The following GPHN variants were observed in gnomAD, a reference collection of about 807,000 sequenced individuals.
The protein encoded by GPHN is gephyrin.
A neutral mutation model predicts 95.5 loss-of-function variants in GPHN; 17 were observed. The observed-to-expected ratio is 0.18, with a 90% CI of 0.12 to 0.27. The LOEUF (loss-of-function observed/expected upper bound fraction) is 0.27, where lower values mean the gene tolerates loss of function less well. Ranked by LOEUF, GPHN falls within the 10% of genes least tolerant of loss-of-function variation. GPHN has a pLI of 1.00. For synonymous variants in GPHN, 320 were observed against 322.5 expected (o/e 0.99, Z 0.08); for missense variants, 660 against 978.1 (o/e 0.67, Z 4.34).
intron 17 of GPHN, among the ~76,000 whole-genome samples, chr14:67,124,935 C>A (rs2153693778): frequency 6.6e-6 from 1 of 151,216 alleles, no homozygotes; most frequent in Middle Eastern, 3.4e-3. Context: ...TTCTGGGATC[C>A]ACACTGTTAA....
At chr14:67,414,416 C>G in the GPHN span, among the ~76,000 whole-genome samples, 6 of 152,220 alleles carry the variant, frequency 3.9e-5, no homozygotes, top group Non-Finnish European at 7.3e-5. Context: ...GCCCAACTCA[C>G]CCATAGGGAA....
At chr14:66,958,994 T>A (rs998633805) in intron 8 of GPHN, among the ~76,000 whole-genome samples, 4 of 152,190 alleles carry the variant, frequency 2.6e-5, no homozygotes, top group African/African-American at 9.6e-5. Flanking sequence ...ATTATTTAGT[T>A]ATTGTGTTAG....
At chr14:66,655,699 A>G (rs2065267406) in intron 1 of GPHN, among the ~76,000 whole-genome samples, 1 of 151,698 alleles carries the variant, frequency 6.6e-6, no homozygotes, top group South Asian at 2.1e-4. Flanking sequence ...GAAAGCATTC[A>G]GTCTTTTTAT....
intron 9 of GPHN, among the ~76,000 whole-genome samples, chr14:66,984,007 G>C (rs184554817): frequency 2.0e-5 from 3 of 152,228 alleles, no homozygotes; most frequent in Admixed American, 1.3e-4. Flanking sequence ...CCTTGAAAAA[G>C]ATACCTAATG....
At chr14:67,061,023 T>C (rs563882302) in intron 11 of GPHN, among the ~76,000 whole-genome samples, 3 of 152,312 alleles carry the variant, frequency 2.0e-5, no homozygotes, top group Admixed American at 2.0e-4. Flanking sequence ...GTTACTGTTT[T>C]AGTTTAGGTG....
At chr14:66,966,809 T>C (rs549537091) in intron 9 of GPHN, among the ~76,000 whole-genome samples, 2 of 152,126 alleles carry the variant, frequency 1.3e-5, no homozygotes, top group East Asian at 3.9e-4. Flanking sequence ...TAAATATTTT[T>C]TGAAAATATT....
chr14:67,388,020 T>C, the GPHN span, among the ~76,000 whole-genome samples: 1 of 152,228 alleles, frequency 6.6e-6, no homozygotes, highest in Non-Finnish European at 1.5e-5. Flanking sequence ...ATTATTAACA[T>C]AAGGATTACT....
At position 66,540,306 on chromosome 14, in the gene GPHN, A is replaced by G. The variant is rs1182943526; in HGVS notation, c.64+31715A>G. On this transcript the variant is annotated intron_variant, in intron 1 of 22. Transcript: ENST00000478722. ...CTGCTTGGATGTTTGTTTATATACC[A>G]TTGGCCAAAGCAAACCAGTGGCCAA... Among the ~76,000 whole-genome samples the G allele has an allele frequency of 2.6e-5, 4 of 152,186 alleles. No individual in the cohort carries two copies. In the South Asian group the frequency reaches 8.3e-4, roughly 32 times the overall value.
chr14:66,754,860 T>G lies in GPHN; in HGVS notation c.144-21604T>G, dbSNP rs180835506. On this transcript the variant is annotated intron_variant, in intron 2 of 22. Coordinates refer to ENST00000478722, the MANE Select transcript of GPHN (RefSeq NM_020806.5). ...CTAAGAATCAATTATATAGCCTAAG[T>G]TGGTGTTTTATATTTGTTTTTCCTG... is the stretch of plus-strand genomic sequence containing the variant. 3.1e-3 allele frequency among the ~76,000 whole-genome samples: 470 copies of G among 152,058 alleles called. 11 individuals are homozygous for G. The highest frequency in any genetic ancestry group is 0.011 in the African/African-American group (445 of 41,538).
intron 2 of GPHN, among the ~76,000 whole-genome samples, chr14:66,752,949 AAG>A (rs1433473973): frequency 6.7e-6 from 1 of 149,600 alleles, no homozygotes; most frequent in Admixed American, 6.7e-5. Context: ...AAAAAAAAAA[AAG>A]AGAAGAGAGA....
At chr14:66,952,538 A>T (rs927450057) in intron 8 of GPHN, among the ~76,000 whole-genome samples, 1 of 152,212 alleles carries the variant, frequency 6.6e-6, no homozygotes, top group African/African-American at 2.4e-5. Flanking sequence ...TCTCTTGAAT[A>T]TACACCTAGG....
chr14:66,626,255 G>A (rs76951836), intron 1 of GPHN, among the ~76,000 whole-genome samples: 114 of 152,244 alleles, frequency 7.5e-4, no homozygotes, highest in African/African-American at 2.5e-3. Context: ...AGTAAATGGA[G>A]CCTAAAATGC....
chr14:67,350,562 A>G, the GPHN span: 1 of 1,486,776 alleles, frequency 6.7e-7, no homozygotes, highest in East Asian at 2.3e-5. Flanking sequence ...AAATTATGAG[A>G]CTGAAATCAC....
intron 11 of GPHN, among the ~76,000 whole-genome samples, chr14:67,086,359 T>A (rs1458639090): frequency 6.6e-6 from 1 of 152,198 alleles, no homozygotes; most frequent in Non-Finnish European, 1.5e-5. Flanking sequence ...GTAGTATGGC[T>A]GAAAAGTTCT....
At chr14:67,698,304 C>G in the GPHN span, among the ~76,000 whole-genome samples, 1 of 152,186 alleles carries the variant, frequency 6.6e-6, no homozygotes, top group Admixed American at 6.5e-5. Flanking sequence ...CATTGATTAT[C>G]TCTACTAAAA....
chr14:66,590,169 A>G (rs772852136), intron 1 of GPHN, among the ~76,000 whole-genome samples: 8 of 152,164 alleles, frequency 5.3e-5, no homozygotes, highest in Non-Finnish European at 1.2e-4. Flanking sequence ...GGACACAGCT[A>G]AAGCAGTGTT....
At chr14:67,522,664 G>A in the GPHN span, among the ~76,000 whole-genome samples, 1 of 152,184 alleles carries the variant, frequency 6.6e-6, no homozygotes, top group African/African-American at 2.4e-5. Flanking sequence ...TCACAGCTAG[G>A]TCCTGGGTTG....
the GPHN span, among the ~76,000 whole-genome samples, chr14:67,323,061 A>T: frequency 1.2e-4 from 18 of 152,106 alleles, no homozygotes; most frequent in Non-Finnish European, 2.5e-4. Context: ...TAATATGGTT[A>T]TTGTAATCTG....
At chr14:67,494,135 T>C in the GPHN span, among the ~76,000 whole-genome samples, 1 of 152,120 alleles carries the variant, frequency 6.6e-6, no homozygotes, top group African/African-American at 2.4e-5. Flanking sequence ...CTCCATCTAC[T>C]GAGAAAGCAC....
Sources: allele counts gnomAD v4.1 joint callset (sites outside exome capture counted in the v4.1 genomes callset), GRCh38; gene constraint gnomAD v4.1.1; transcripts MANE v1.5; gene names NCBI Gene and HGNC (gene_info 2026-07-23, HGNC 2026-07-21).